The following KDM4C variants were observed in gnomAD, a reference collection of about 807,000 sequenced individuals.
KDM4C encodes the protein lysine-specific demethylase 4C.
In KDM4C, 81 loss-of-function variants were observed where a neutral mutation model predicts 129.3. That is an observed-to-expected ratio of 0.63 (90% CI 0.52 to 0.75). The LOEUF (loss-of-function observed/expected upper bound fraction) is 0.75. KDM4C is among the 30% of genes least tolerant of loss of function. The pLI is 0.00. For missense variants in KDM4C, 1,457 were observed against 1,304.0 expected (o/e 1.12, Z -1.81); for synonymous variants, 573 against 456.1 (o/e 1.26, Z -3.26).
At chr9:7,007,783 C>T (rs1169471513) in intron 12 of KDM4C, among the ~76,000 whole-genome samples, 1 of 151,690 alleles carries the variant, frequency 6.6e-6, no homozygotes, top group Admixed American at 6.6e-5. Context: ...GGAAATCACA[C>T]CAGGGAAAAT....
intron 1 of KDM4C, among the ~76,000 whole-genome samples, chr9:6,746,070 T>C (rs936248443): frequency 2.6e-5 from 4 of 151,558 alleles, no homozygotes; most frequent in African/African-American, 7.3e-5. Flanking sequence ...CCTCCCAAAG[T>C]GCTGGGATTA....
chr9:6,722,587 C>T (rs1417358455), intron 1 of KDM4C, among the ~76,000 whole-genome samples: 1 of 151,516 alleles, frequency 6.6e-6, no homozygotes, highest in East Asian at 1.9e-4. Flanking sequence ...GATCTCGGCT[C>T]ACTGCAACCT....
At chr9:7,050,364 A>G (rs1467578990) in intron 17 of KDM4C, among the ~76,000 whole-genome samples, 1 of 149,576 alleles carries the variant, frequency 6.7e-6, no homozygotes, top group Non-Finnish European at 1.5e-5. Flanking sequence ...AGTGACTGTC[A>G]GAAGAAGTAA....
chr9:6,851,071 T>G lies in KDM4C; in HGVS notation c.629+1371T>G, dbSNP rs576640251. Reference sequence around the variant, plus strand: ...CGCCTGGCCAAATGAAACTTTTTAATAGGTGGTCTAGGACTCATACAGGCT... The same window carrying G: ...CGCCTGGCCAAATGAAACTTTTTAAGAGGTGGTCTAGGACTCATACAGGCT... On this transcript the variant is annotated intron_variant, in intron 5 of 21. Coordinates refer to ENST00000381309, the MANE Select transcript of KDM4C (RefSeq NM_015061.6). 3.3e-5 allele frequency among the ~76,000 whole-genome samples: 5 copies of G among 152,320 alleles called. No homozygotes were observed. In the East Asian group the frequency reaches 9.7e-4, roughly 29 times the overall value.
chr9:6,894,360 C>G (rs1036790524), intron 8 of KDM4C, among the ~76,000 whole-genome samples: 1 of 152,202 alleles, frequency 6.6e-6, no homozygotes, highest in African/African-American at 2.4e-5. Context: ...AGGAACAGAA[C>G]TGTACTACTA....
At chr9:6,803,972 G>A (rs748886242) in intron 2 of KDM4C, among the ~76,000 whole-genome samples, 1 of 152,054 alleles carries the variant, frequency 6.6e-6, no homozygotes, top group Non-Finnish European at 1.5e-5. Context: ...ACAGGTGCCT[G>A]TCACCACGCC....
chr9:6,965,145 A>G (rs1438521001), intron 8 of KDM4C, among the ~76,000 whole-genome samples: 1 of 152,008 alleles, frequency 6.6e-6, no homozygotes, highest in Non-Finnish European at 1.5e-5. Context: ...TTTATTTTTA[A>G]TGAGAGAAAA....
At chr9:7,086,539 G>T (rs548747748) in intron 17 of KDM4C, among the ~76,000 whole-genome samples, 1 of 152,308 alleles carries the variant, frequency 6.6e-6, no homozygotes, top group Non-Finnish European at 1.5e-5. Flanking sequence ...CTCAGTTCCA[G>T]TCCATCTGCT....
At chr9:6,760,285 A>G (rs1351402643) in intron 1 of KDM4C, among the ~76,000 whole-genome samples, 1 of 152,030 alleles carries the variant, frequency 6.6e-6, no homozygotes, top group African/African-American at 2.4e-5. Flanking sequence ...CTGTATCAGT[A>G]CTTCATTCCT....
intron 4 of KDM4C, among the ~76,000 whole-genome samples, chr9:6,838,907 T>G (rs891690297): frequency 1.3e-5 from 2 of 152,218 alleles, no homozygotes; most frequent in African/African-American, 4.8e-5. Flanking sequence ...ACTTTCAATT[T>G]AGTTATTAGA....
At position 7,144,900 on chromosome 9, in the gene KDM4C, C is replaced by T. The variant is rs148902458; in HGVS notation, c.2781+16664C>T. ...CAATCTTTGACGTATTTTTAGGCAC[C>T]GTGATGTCTTTGCAGTTGTAGCTTT... On this transcript the variant is annotated intron_variant, in intron 19 of 21. Coordinates refer to ENST00000381309, the MANE Select transcript of KDM4C (RefSeq NM_015061.6). Among the ~76,000 whole-genome samples the T allele has an allele frequency of 4.4e-3, 667 of 152,350 alleles. 2 individuals carry two copies. The highest frequency in any genetic ancestry group is 6.8e-3 in the Non-Finnish European group (464 of 68,024).
At chr9:6,780,464 CA>C (rs1234423014) in intron 1 of KDM4C, among the ~76,000 whole-genome samples, 9 of 151,448 alleles carry the variant, frequency 5.9e-5, no homozygotes, top group Non-Finnish European at 1.3e-4. Context: ...AACAAACCCA[CA>C]AAAAAACGAA....
intron 1 of KDM4C, among the ~76,000 whole-genome samples, chr9:6,789,173 C>T (rs1274502562): frequency 1.3e-5 from 2 of 151,370 alleles, no homozygotes; most frequent in Non-Finnish European, 2.9e-5. Context: ...CCGTCTCAGC[C>T]TCCGAGTAGC....
intron 5 of KDM4C, among the ~76,000 whole-genome samples, chr9:6,865,687 C>T (rs773807093): frequency 6.6e-6 from 1 of 152,094 alleles, no homozygotes; most frequent in Non-Finnish European, 1.5e-5. Flanking sequence ...CTGCCTCAGC[C>T]CTCCGTAGCT....
chr9:7,061,481 C>G (rs1488521270), intron 17 of KDM4C, among the ~76,000 whole-genome samples: 1 of 152,164 alleles, frequency 6.6e-6, no homozygotes, highest in Non-Finnish European at 1.5e-5. Flanking sequence ...TGAGCAGAAG[C>G]CTGGTGCTGG....
intron 8 of KDM4C, among the ~76,000 whole-genome samples, chr9:6,979,173 A>G (rs1167619842): frequency 1.3e-5 from 2 of 152,222 alleles, no homozygotes; most frequent in East Asian, 3.8e-4. Context: ...TTGTCAAAAG[A>G]TTACATCTTA....
intron 1 of KDM4C, among the ~76,000 whole-genome samples, chr9:6,789,856 T>C (rs1393838476): frequency 1.3e-5 from 2 of 152,062 alleles, no homozygotes; most frequent in African/African-American, 2.4e-5. Flanking sequence ...TTTTCTACCA[T>C]GTGTTAATAT....
intron 7 of KDM4C, among the ~76,000 whole-genome samples, chr9:6,888,699 T>TA (rs542303296): frequency 8.6e-5 from 13 of 151,846 alleles, no homozygotes; most frequent in African/African-American, 2.7e-4. Context: ...ACCAGATAAA[T>TA]AAAATCTCCC....
At chr9:6,743,967 C>G (rs1428490708) in intron 1 of KDM4C, among the ~76,000 whole-genome samples, 2 of 150,966 alleles carry the variant, frequency 1.3e-5, no homozygotes, top group African/African-American at 4.9e-5. Context: ...AGGCTGTTCT[C>G]AAACTCCTGG....
Sources: allele counts gnomAD v4.1 joint callset (sites outside exome capture counted in the v4.1 genomes callset), GRCh38; gene constraint gnomAD v4.1.1; transcripts MANE v1.5; gene names NCBI Gene and HGNC (gene_info 2026-07-23, HGNC 2026-07-21).